CADM2: variants seen among roughly 807,000 people sequenced by gnomAD.
CADM2 encodes the protein cell adhesion molecule 2.
In CADM2, 12 loss-of-function variants were observed where a neutral mutation model predicts 49.8. The observed-to-expected ratio is 0.24, with a 90% CI of 0.15 to 0.39. CADM2 has a LOEUF of 0.39. Among genes scored for constraint, CADM2 ranks in the 10% least tolerant of loss-of-function variants. The pLI is 1.00. For synonymous variants in CADM2, 214 were observed against 175.4 expected (o/e 1.22, Z -1.74); for missense variants, 378 against 492.3 (o/e 0.77, Z 2.20).
chr3:86,012,376 C>G (rs1163643161), intron 8 of CADM2, among the ~76,000 whole-genome samples: 1 of 152,158 alleles, frequency 6.6e-6, no homozygotes, highest in African/African-American at 2.4e-5. Context: ...GCTTTATTGT[C>G]TTGTTGTCAT....
At chr3:85,242,819 A>G (rs1016626445) in intron 1 of CADM2, among the ~76,000 whole-genome samples, 1 of 151,772 alleles carries the variant, frequency 6.6e-6, no homozygotes, top group Non-Finnish European at 1.5e-5. Context: ...TCATGTAGTT[A>G]GTTTATTCTT....
At chr3:85,912,316 T>A in intron 5 of CADM2, 57 bp from the exon 6 acceptor site, 1 of 1,311,270 alleles carries the variant, frequency 7.6e-7, no homozygotes, top group Non-Finnish European at 1.0e-6. Flanking sequence ...CTTGAGTAAA[T>A]GCAATCTGTT....
chr3:85,356,738 T>C (rs2031895586), intron 1 of CADM2, among the ~76,000 whole-genome samples: 1 of 152,164 alleles, frequency 6.6e-6, no homozygotes, highest in African/African-American at 2.4e-5. Flanking sequence ...CCATTTACAT[T>C]TGAATTTTTA....
intron 1 of CADM2, among the ~76,000 whole-genome samples, chr3:85,105,271 A>C (rs1159278033): frequency 6.6e-6 from 1 of 152,198 alleles, no homozygotes; most frequent in East Asian, 1.9e-4. Flanking sequence ...CAACCCCATC[A>C]AAAAGTGGGC....
rs371710688 is a variant in CADM2 at position 85,272,379 on chromosome 3, A to G, written c.61+312711A>G. Among the ~76,000 whole-genome samples, 9 of 151,356 alleles carry G rather than the reference A, an allele frequency of 5.9e-5. No homozygotes were observed. In the East Asian group the frequency reaches 1.4e-3, roughly 23 times the overall value. ...CTTGATGAAAAAGAAGTATGTTATT[A>G]TATGCCATTTTAAATCAAATTTACT... is the stretch of plus-strand genomic sequence containing the variant. On this transcript the variant is annotated intron_variant, in intron 1 of 9. Coordinates refer to ENST00000383699, the MANE Select transcript of CADM2 (RefSeq NM_001167675.2).
At chr3:85,561,234 GTTTA>G (rs5850699) in intron 1 of CADM2, among the ~76,000 whole-genome samples, 77,505 of 151,546 alleles carry the variant, frequency 0.51, 22,840 homozygotes, top group East Asian at 0.85. Context: ...CTATTTAACA[GTTTA>G]TTTAATCACT....
intron 1 of CADM2, among the ~76,000 whole-genome samples, chr3:85,477,053 T>C (rs1183253922): frequency 6.6e-6 from 1 of 151,830 alleles, no homozygotes; most frequent in Non-Finnish European, 1.5e-5. Flanking sequence ...GTTTGCAGCA[T>C]GTTACATTGA....
At chr3:85,833,922 T>G (rs1373723604) in intron 3 of CADM2, among the ~76,000 whole-genome samples, 1 of 151,710 alleles carries the variant, frequency 6.6e-6, no homozygotes, top group Non-Finnish European at 1.5e-5. Flanking sequence ...TAATGGAGAT[T>G]GCATTGAATC....
intron 1 of CADM2, among the ~76,000 whole-genome samples, chr3:85,399,945 T>C (rs1289157587): frequency 6.6e-6 from 1 of 152,324 alleles, no homozygotes; most frequent in Admixed American, 6.5e-5. Flanking sequence ...GTTTTCCTAA[T>C]TGAATACCCT....
At chr3:85,913,980 A>C (rs1416139197) in intron 6 of CADM2, among the ~76,000 whole-genome samples, 2 of 152,168 alleles carry the variant, frequency 1.3e-5, no homozygotes, top group Non-Finnish European at 2.9e-5. Flanking sequence ...TAGGAGAAAA[A>C]TACAGAGTGT....
chr3:85,982,377 C>G (rs1031312129), intron 8 of CADM2, among the ~76,000 whole-genome samples: 1 of 151,498 alleles, frequency 6.6e-6, no homozygotes, highest in African/African-American at 2.4e-5. Context: ...AAAAACCAAT[C>G]CCTCTTTTTT....
chr3:85,626,854 A>G (rs2064144915), intron 1 of CADM2, among the ~76,000 whole-genome samples: 1 of 152,064 alleles, frequency 6.6e-6, no homozygotes, highest in East Asian at 1.9e-4. Context: ...AAATCAGTGC[A>G]TAGCTTGGCT....
chr3:85,161,318 G>C (rs2040313795), intron 1 of CADM2, among the ~76,000 whole-genome samples: 1 of 152,116 alleles, frequency 6.6e-6, no homozygotes, highest in Non-Finnish European at 1.5e-5. Context: ...CATTGTACTG[G>C]ATTGAGTGCT....
At chr3:86,046,223 G>A (rs548041452) in intron 8 of CADM2, among the ~76,000 whole-genome samples, 1 of 151,982 alleles carries the variant, frequency 6.6e-6, no homozygotes, top group Non-Finnish European at 1.5e-5. Context: ...CTTCTTACAT[G>A]CTTCCAGTTT....
intron 2 of CADM2, among the ~76,000 whole-genome samples, chr3:85,791,544 AAGAGAGAGAGAG>A (rs71112119): frequency 2.0e-5 from 2 of 100,002 alleles, no homozygotes; most frequent in South Asian, 7.8e-4. Flanking sequence ...GAGAGAGAGA[AAGAGAGAGAGAG>A]AGAGAGAGAG....
rs1179967499 is a variant in CADM2 at position 85,034,790 on chromosome 3, C to CTTTTTTTTTTTTTTTTTTTTTTTTTTT, written c.61+75146_61+75147insTTTTTTTTTTTTTTTTTTTTTTTTTTT. 2.6e-4 allele frequency among the ~76,000 whole-genome samples: 22 copies of CTTTTTTTTTTTTTTTTTTTTTTTTTTT among 84,058 alleles called. 2 individuals carry two copies. Among genetic ancestry groups the CTTTTTTTTTTTTTTTTTTTTTTTTTTT allele is most frequent in the African/African-American group, 8.1e-4 (15 of 18,502 alleles). The allele number at this position is 84,058 out of a possible 152,430, so 55.1% of individuals were successfully genotyped here. Reference sequence around the variant, plus strand: ...TATCTTTTAGATAAAAGACATTTTGCTTTTTTTTTTTTTTTTTTTTTTTTA... The same window carrying CTTTTTTTTTTTTTTTTTTTTTTTTTTT: ...TATCTTTTAGATAAAAGACATTTTGCTTTTTTTTTTTTTTTTTTTTTTTTTTTTTTTTTTTTTTTTTTTTTTTTTTTA... On this transcript the variant is annotated intron_variant, in intron 1 of 9. Coordinates refer to ENST00000383699, the MANE Select transcript of CADM2 (RefSeq NM_001167675.2).
chr3:85,876,744 A>G (rs1711903120), intron 3 of CADM2, among the ~76,000 whole-genome samples: 2 of 152,162 alleles, frequency 1.3e-5, no homozygotes, highest in South Asian at 4.1e-4. Context: ...AGTATTCACA[A>G]ATTGCTAGCA....
chr3:85,073,903 T>C (rs1007932800), intron 1 of CADM2, among the ~76,000 whole-genome samples: 1 of 152,150 alleles, frequency 6.6e-6, no homozygotes, highest in African/African-American at 2.4e-5. Context: ...TTTGCAAATA[T>C]ATTTTAAAAT....
intron 8 of CADM2, among the ~76,000 whole-genome samples, chr3:86,053,604 T>G (rs1232269861): frequency 1.3e-5 from 2 of 152,122 alleles, no homozygotes; most frequent in African/African-American, 4.8e-5. Context: ...CAATTACTTT[T>G]TAACATGCAG....
Sources: gnomAD v4.1 joint callset for allele counts (sites outside exome capture counted in the v4.1 genomes callset) on GRCh38, gnomAD v4.1.1 for gene constraint, MANE v1.5 for transcripts, NCBI Gene and HGNC (gene_info 2026-07-23, HGNC 2026-07-21) for gene names.